DZIP3: variants seen among roughly 807,000 people sequenced by gnomAD.
The protein encoded by DZIP3 is DAZ interacting zinc finger protein 3.
Under a neutral mutation model 162.0 loss-of-function variants are expected in DZIP3, and 118 were observed. The ratio of observed to expected loss-of-function variants is 0.73; its 90% CI spans 0.63 to 0.85. The LOEUF is 0.85. Ranked by LOEUF, DZIP3 falls within the 40% of genes least tolerant of loss-of-function variation. The pLI, the probability that DZIP3 is intolerant of heterozygous loss-of-function variation, is 0.00. For synonymous variants in DZIP3, 438 were observed against 458.6 expected (o/e 0.96, Z 0.57); for missense variants, 1,331 against 1,407.0 (o/e 0.95, Z 0.86).
At chr3:108,660,633 C>T (rs546659956) in intron 19 of DZIP3, among the ~76,000 whole-genome samples, 2,827 of 152,108 alleles carry the variant, frequency 0.019, 83 homozygotes, top group African/African-American at 0.065. Context: ...CCAAAATTGA[C>T]AAATGGGATC....
intron 1 of DZIP3, among the ~76,000 whole-genome samples, chr3:108,602,297 CAGTA>C (rs1413950004): frequency 6.6e-6 from 1 of 152,026 alleles, no homozygotes; most frequent in Non-Finnish European, 1.5e-5. Flanking sequence ...GTTAAAATTT[CAGTA>C]AGTAAGAGGG....
chr3:108,654,035 A>C, intron 18 of DZIP3, 110 bp from the exon 19 acceptor site: 1 of 1,169,508 alleles, frequency 8.6e-7, no homozygotes, highest in Non-Finnish European at 1.2e-6. Flanking sequence ...GAACCCTTCT[A>C]ATGCTGAGCA....
chr3:108,614,711 C>T (rs778081272), intron 4 of DZIP3, among the ~76,000 whole-genome samples: 2 of 152,120 alleles, frequency 1.3e-5, no homozygotes, highest in Non-Finnish European at 2.9e-5. Context: ...CCCCAGAAAG[C>T]ACTCAATCAG....
At chr3:108,633,314 G>C (rs115619817) in intron 9 of DZIP3, among the ~76,000 whole-genome samples, 2,892 of 151,886 alleles carry the variant, frequency 0.019, 101 homozygotes, top group African/African-American at 0.067. Flanking sequence ...GTTTTTGTAA[G>C]ATTCACATGC....
chr3:108,645,176 A>G (rs1942570046), intron 14 of DZIP3, among the ~76,000 whole-genome samples: 3 of 152,204 alleles, frequency 2.0e-5, no homozygotes, highest in African/African-American at 7.2e-5. Context: ...AGTACATTCA[A>G]GAGGATTTTT....
intron 26 of DZIP3, among the ~76,000 whole-genome samples, chr3:108,683,128 T>C (rs182612642): frequency 2.1e-4 from 32 of 150,852 alleles, no homozygotes; most frequent in Admixed American, 2.0e-3. Flanking sequence ...TGGAATATTT[T>C]AAAGCAAACC....
intron 24 of DZIP3, among the ~76,000 whole-genome samples, 180 bp downstream of exon 24, chr3:108,674,361 C>T (rs141527139): frequency 6.6e-6 from 1 of 151,662 alleles, no homozygotes; most frequent in African/African-American, 2.4e-5. Flanking sequence ...TTACCAGAAG[C>T]TCTTGTTGTT....
At chr3:108,602,640 T>G (rs1246609388) in intron 1 of DZIP3, among the ~76,000 whole-genome samples, 1 of 152,214 alleles carries the variant, frequency 6.6e-6, no homozygotes, top group Non-Finnish European at 1.5e-5. Flanking sequence ...TTTTTTTTCC[T>G]TCATGTTAAC....
chr3:108,602,481 C>G (rs1197500911), intron 1 of DZIP3, among the ~76,000 whole-genome samples: 1 of 152,172 alleles, frequency 6.6e-6, no homozygotes, highest in Admixed American at 6.5e-5. Context: ...TGAACTTTAG[C>G]TTGCCCTCAG....
At chr3:108,655,247 A>G (rs1027568345) in intron 19 of DZIP3, among the ~76,000 whole-genome samples, 1 of 152,216 alleles carries the variant, frequency 6.6e-6, no homozygotes. Context: ...ATGCTAAGAC[A>G]AAGTTTCTAC....
intron 5 of DZIP3, among the ~76,000 whole-genome samples, chr3:108,618,828 C>T (rs1469101304): frequency 6.6e-6 from 1 of 151,674 alleles, no homozygotes; most frequent in East Asian, 1.9e-4. Flanking sequence ...TTTGGGAGGC[C>T]GAGGCGGGCA....
intron 21 of DZIP3, among the ~76,000 whole-genome samples, chr3:108,664,408 G>T (rs1403257057): frequency 6.6e-6 from 1 of 152,228 alleles, no homozygotes; most frequent in Non-Finnish European, 1.5e-5. Context: ...TGCTGGGGTA[G>T]TGTTGGCAGT....
intron 5 of DZIP3, among the ~76,000 whole-genome samples, chr3:108,618,886 C>A (rs1303212009): frequency 1.3e-5 from 2 of 151,500 alleles, no homozygotes; most frequent in Non-Finnish European, 2.9e-5. Flanking sequence ...CATGGTGAAA[C>A]CCCGTGTGTA....
chr3:108,691,042 G>A, intron 32 of DZIP3, 139 bp downstream of exon 32: 1 of 649,926 alleles, frequency 1.5e-6, no homozygotes, highest in South Asian at 2.2e-5. Context: ...AAGAAGTCAG[G>A]ACAAATCTTC....
At chr3:108,609,155 T>A (rs1405655484) in intron 3 of DZIP3, among the ~76,000 whole-genome samples, 1 of 152,122 alleles carries the variant, frequency 6.6e-6, no homozygotes, top group Non-Finnish European at 1.5e-5. Flanking sequence ...ACCAGGTCCC[T>A]CCTCTAACAC....
intron 17 of DZIP3, among the ~76,000 whole-genome samples, chr3:108,649,829 A>T (rs1402889199): frequency 6.6e-6 from 1 of 151,890 alleles, no homozygotes; most frequent in Non-Finnish European, 1.5e-5. Flanking sequence ...TATCACTATC[A>T]TTGTTATATT....
intron 4 of DZIP3, among the ~76,000 whole-genome samples, chr3:108,614,082 G>A (rs1238971485): frequency 6.6e-6 from 1 of 152,062 alleles, no homozygotes; most frequent in Non-Finnish European, 1.5e-5. Flanking sequence ...GTTAATGGAA[G>A]AACAGCAAAT....
At chr3:108,691,213 C>T (rs1339995375) in intron 32 of DZIP3, 1 of 199,948 alleles carries the variant, frequency 5.0e-6, no homozygotes, top group African/African-American at 2.3e-5. Flanking sequence ...TTTCACTCAT[C>T]CTTTACTCTC....
intron 10 of DZIP3, 99 bp downstream of exon 10, chr3:108,635,071 C>T (rs1942076435): frequency 6.0e-6 from 4 of 670,084 alleles, no homozygotes; most frequent in Non-Finnish European, 9.9e-6. Context: ...TAACTTCCCT[C>T]CTGCTTTTTA....
Sources: allele counts gnomAD v4.1 joint callset (sites outside exome capture counted in the v4.1 genomes callset), GRCh38; gene constraint gnomAD v4.1.1; transcripts MANE v1.5; gene names NCBI Gene and HGNC (gene_info 2026-07-23, HGNC 2026-07-21).